Variants in FAM120C observed in about 807,000 individuals in gnomAD.
FAM120C encodes constitutive coactivator of PPAR-gamma-like protein 2.
FAM120C carries 14 observed loss-of-function variants against 71.2 expected under a neutral mutation model. The ratio of observed to expected loss-of-function variants is 0.20; its 90% CI spans 0.13 to 0.31. The LOEUF is 0.31. FAM120C is among the 10% of genes least tolerant of loss of function. FAM120C has a pLI of 1.00. For missense variants in FAM120C, 500 were observed against 879.0 expected (o/e 0.57, Z 5.45); for synonymous variants, 354 against 353.2 (o/e 1.00, Z -0.03).
At chrX:54,166,391 T>C (rs1199634168) in intron 1 of FAM120C, among the ~76,000 whole-genome samples, 1 of 112,031 alleles carries the variant, frequency 8.9e-6, no homozygotes, top group Non-Finnish European at 1.9e-5. Flanking sequence ...ATTTATCTTT[T>C]AGATATGTAA....
intron 9 of FAM120C, among the ~76,000 whole-genome samples, chrX:54,132,352 A>AT (rs1156806503): frequency 1.8e-5 from 2 of 109,429 alleles, no homozygotes; most frequent in African/African-American, 3.3e-5. Context: ...AGCACCCGGC[A>AT]TTTTTTCTAG....
At chrX:54,151,515 G>T in intron 3 of FAM120C, 142 bp from the exon 4 acceptor site, 3 of 677,591 alleles carry the variant, frequency 4.4e-6, no homozygotes, top group Non-Finnish European at 6.4e-6. Flanking sequence ...AAATAGTTTT[G>T]CCCCTTCATT....
intron 1 of FAM120C, among the ~76,000 whole-genome samples, chrX:54,181,810 TTAAA>T (rs1236852015): frequency 8.9e-5 from 10 of 112,607 alleles, no homozygotes; most frequent in Non-Finnish European, 1.1e-4. Flanking sequence ...ATTGCTATAA[TTAAA>T]TGTTTCATGT....
chrX:54,110,740 G>A (rs1277924329), intron 10 of FAM120C, among the ~76,000 whole-genome samples: 3 of 109,901 alleles, frequency 2.7e-5, no homozygotes, highest in Non-Finnish European at 5.7e-5. Flanking sequence ...GTGAGAGCCT[G>A]TCTCTAAAAA....
At chrX:54,155,074 T>A in intron 3 of FAM120C, among the ~76,000 whole-genome samples, 1 of 111,075 alleles carries the variant, frequency 9.0e-6, no homozygotes, top group African/African-American at 3.3e-5. Flanking sequence ...CGTGATGGCA[T>A]GTGCCTGTAG....
intron 4 of FAM120C, among the ~76,000 whole-genome samples, chrX:54,138,264 G>C (rs2067104168): frequency 9.0e-6 from 1 of 110,647 alleles, no homozygotes; most frequent in Admixed American, 9.7e-5. Context: ...ACTTTGGGAG[G>C]CTGAGGCAGG....
In FAM120C at chrX:54,182,843, A is replaced by T. The variant is rs2067358493; in HGVS notation, c.356T>A (p.Leu119Gln). The T allele has an allele frequency of 8.5e-7, 1 of 1,173,212 alleles. No homozygotes were observed. The highest frequency in any genetic ancestry group is 1.8e-5 in the African/African-American group (1 of 56,527). ...CGGCAGCGCCGAGCCGGCGTCCACC[A>T]GCACCCGGGCCCCGGGCAGCTGAGG... is the stretch of plus-strand genomic sequence containing the variant. ...PPPQLPGARV[L>Q]VDAGSALPRL... Residue 119 changes from leucine (L) to glutamine (Q), a missense_variant, in exon 1 of 16, where the codon CTG (leucine) becomes CAG (glutamine). Leu to Gln is a moderately radical substitution (Grantham distance 113, BLOSUM62 -2). Coordinates refer to ENST00000375180, the MANE Select transcript of FAM120C (RefSeq NM_017848.6).
intron 5 of FAM120C, 79 bp downstream of exon 5, chrX:54,136,412 C>T: frequency 1.5e-6 from 1 of 673,843 alleles, no homozygotes; most frequent in Non-Finnish European, 2.4e-6. Context: ...AGTGATTCCA[C>T]TCTGGCCCTG....
chrX:54,118,961 G>C (rs1603356386), intron 9 of FAM120C, among the ~76,000 whole-genome samples: 1 of 29,961 alleles, frequency 3.3e-5, no homozygotes, highest in South Asian at 2.1e-3. Flanking sequence ...GAGAATATGC[G>C]GTGTTTGGTT....
intron 10 of FAM120C, among the ~76,000 whole-genome samples, chrX:54,099,328 C>T (rs2066871209): frequency 9.0e-6 from 1 of 111,318 alleles, no homozygotes; most frequent in Admixed American, 9.7e-5. Context: ...CACACATGAG[C>T]TAGTGTGGCC....
intron 9 of FAM120C, among the ~76,000 whole-genome samples, chrX:54,124,674 G>A (rs1306618681): frequency 2.8e-5 from 3 of 107,368 alleles, no homozygotes; most frequent in Non-Finnish European, 3.9e-5. Context: ...GAAATCACCC[G>A]TCTTCTGCGT....
At chrX:54,083,478 C>CACACACACACA (rs782758591) in intron 13 of FAM120C, among the ~76,000 whole-genome samples, 17 of 101,734 alleles carry the variant, frequency 1.7e-4, no homozygotes, top group African/African-American at 4.7e-4. Context: ...CACACACACA[C>CACACACACACA]CAAAATATTA....
At chrX:54,079,793 G>A (rs1162604749) in intron 15 of FAM120C, among the ~76,000 whole-genome samples, 4 of 107,893 alleles carry the variant, frequency 3.7e-5, no homozygotes, top group Admixed American at 1.0e-4. Context: ...GCGCAACTCC[G>A]TCTCAAAAAA....
rs1486738237 is a variant in FAM120C, at chrX:54,162,629, T to C, written c.700-3013A>G. ...TAAAAACAAAAACAGCTCTGGCAAA[T>C]GAGAGGGCACTATCATCTCAGCGTT... On this transcript the variant is annotated intron_variant, in intron 1 of 15. Transcript: ENST00000375180. Among the ~76,000 whole-genome samples, 3 of 111,748 alleles carry C rather than the reference T, an allele frequency of 2.7e-5. No homozygotes were observed. In the Admixed American group the frequency reaches 2.9e-4, roughly 11 times the overall value.
rs200653484 is a variant in FAM120C, at chrX:54,134,864, G to C, written c.1583C>G (p.Ser528Cys). The change falls in exon 7 of 16, where the codon TCT becomes TGT. Residue 528 changes from serine (S) to cysteine (C), a missense_variant. Physicochemically the swap from Ser to Cys is moderately radical, Grantham distance 112. Around this residue, in one of 11 missense-constraint regions of FAM120C, gnomAD observed 85 missense variants for 84.9 expected, o/e 1.00. Transcript: ENST00000375180. ...LGPDSSHSSS[S>C]DGDEPNGASS... Reference sequence around the variant, plus strand: ...AGCTCCATTTGGCTCATCACCATCAGAGGAAGAGGAGTGGGAAGAGTCTGG... The same window carrying C: ...AGCTCCATTTGGCTCATCACCATCACAGGAAGAGGAGTGGGAAGAGTCTGG... 8.3e-7 allele frequency: 1 copy of C among 1,211,353 alleles called. No individual in the cohort carries two copies. Among genetic ancestry groups the C allele is most frequent in the Non-Finnish European group, 1.1e-6 (1 of 895,377 alleles).
chrX:54,097,564 C>G (rs1409624360), intron 10 of FAM120C, among the ~76,000 whole-genome samples: 1 of 111,816 alleles, frequency 8.9e-6, no homozygotes, highest in Non-Finnish European at 1.9e-5. Context: ...ATATCTAAGT[C>G]TTTATATATT....
rs183834935 is a variant in FAM120C, at chrX:54,116,562, G to A, written c.2295C>T (p.Leu765=). ...NPANVPTHLL[L]MCCVLRYMVQ... ...TAGCTTACCGGAGTACACAACACAT[G>A]AGCAGCAGATGGGTGGGGACATTAG... is the stretch of plus-strand genomic sequence containing the variant. The change falls in exon 10 of 16, where the codon CTC becomes CTT. Residue 765 remains leucine, a synonymous_variant. Coordinates refer to ENST00000375180, the MANE Select transcript of FAM120C (RefSeq NM_017848.6). 3.3e-6 allele frequency: 4 copies of A among 1,210,099 alleles called. No individual in the cohort carries two copies. In the East Asian group the frequency reaches 1.2e-4, roughly 36 times the overall value.
At chrX:54,118,924 C>T (rs1603356347) in intron 9 of FAM120C, among the ~76,000 whole-genome samples, 1 of 40,312 alleles carries the variant, frequency 2.5e-5, no homozygotes, top group Non-Finnish European at 4.3e-5. Flanking sequence ...TCCATGTGAT[C>T]TCATTGTTCA....
At chrX:54,093,579 A>G (rs1000287648) in intron 10 of FAM120C, among the ~76,000 whole-genome samples, 12 of 112,067 alleles carry the variant, frequency 1.1e-4, no homozygotes, top group Admixed American at 2.9e-4. Flanking sequence ...TGCTGAACAA[A>G]TAAGTCAATG....
Sources: allele counts gnomAD v4.1 joint callset (sites outside exome capture counted in the v4.1 genomes callset), GRCh38; gene constraint gnomAD v4.1.1; regional missense constraint gnomAD v4.1.1; transcripts MANE v1.5; gene names NCBI Gene and HGNC (gene_info 2026-07-23, HGNC 2026-07-21).